The following CSMD1 variants were observed in gnomAD, a reference collection of about 807,000 sequenced individuals.
CSMD1 encodes CUB and Sushi multiple domains 1.
In CSMD1, 213 loss-of-function variants were observed where a neutral mutation model predicts 417.5. That is an observed-to-expected ratio of 0.51 (90% CI 0.46 to 0.57). CSMD1 has a LOEUF of 0.57. CSMD1 is among the 20% of genes least tolerant of loss of function. CSMD1 has a pLI of 0.00. For synonymous variants in CSMD1, 2,862 were observed against 1,736.8 expected (o/e 1.65, Z -16.11); for missense variants, 6,923 against 4,529.7 (o/e 1.53, Z -15.17).
At chr8:4,809,722 T>C (rs552080676) in intron 1 of CSMD1, among the ~76,000 whole-genome samples, 4 of 152,244 alleles carry the variant, frequency 2.6e-5, no homozygotes, top group Non-Finnish European at 5.9e-5. Flanking sequence ...AAAACATCTG[T>C]CATTTCAACA....
At chr8:4,334,016 G>A (rs1353558279) in intron 3 of CSMD1, among the ~76,000 whole-genome samples, 1 of 151,972 alleles carries the variant, frequency 6.6e-6, no homozygotes, top group Non-Finnish European at 1.5e-5. Flanking sequence ...TCAGACTCCT[G>A]AGTACCTGGG....
chr8:3,640,086 T>C (rs181689746), intron 7 of CSMD1, among the ~76,000 whole-genome samples: 1 of 152,290 alleles, frequency 6.6e-6, no homozygotes, highest in African/African-American at 2.4e-5. Context: ...ATTTTAAAAA[T>C]TGAAGGCTCT....
chr8:3,222,352 G>C (rs888413332), intron 28 of CSMD1, among the ~76,000 whole-genome samples: 1 of 151,616 alleles, frequency 6.6e-6, no homozygotes, highest in South Asian at 2.1e-4. Context: ...GTCTTGCTCT[G>C]TTGCTCAGCT....
chr8:3,860,589 T>C (rs945998751), intron 5 of CSMD1, among the ~76,000 whole-genome samples: 1 of 152,180 alleles, frequency 6.6e-6, no homozygotes, highest in African/African-American at 2.4e-5. Flanking sequence ...CTAACCATAT[T>C]ACACATCATA....
intron 10 of CSMD1, among the ~76,000 whole-genome samples, chr8:3,500,195 C>T (rs1335272968): frequency 6.6e-6 from 1 of 152,184 alleles, no homozygotes; most frequent in Non-Finnish European, 1.5e-5. Context: ...TACTCTGTTG[C>T]TTCAGTACAG....
intron 2 of CSMD1, among the ~76,000 whole-genome samples, chr8:4,435,377 A>G (rs1378159455): frequency 6.6e-6 from 1 of 152,200 alleles, no homozygotes; most frequent in East Asian, 1.9e-4. Flanking sequence ...GAAAACTCAG[A>G]GTTCCTGCAG....
chr8:3,826,026 C>T (rs1802036012), intron 5 of CSMD1, among the ~76,000 whole-genome samples: 1 of 152,094 alleles, frequency 6.6e-6, no homozygotes, highest in Non-Finnish European at 1.5e-5. Context: ...TTTCAAAGGC[C>T]AACGTGTTGT....
intron 26 of CSMD1, among the ~76,000 whole-genome samples, chr8:3,274,341 C>CT (rs1334909679): frequency 2.0e-5 from 3 of 152,148 alleles, no homozygotes; most frequent in Non-Finnish European, 4.4e-5. Flanking sequence ...GAGTGCTTTA[C>CT]TTCCAACTAT....
chr8:4,062,238 T>A (rs780438556), intron 3 of CSMD1, among the ~76,000 whole-genome samples: 2 of 152,034 alleles, frequency 1.3e-5, no homozygotes, highest in Non-Finnish European at 2.9e-5. Flanking sequence ...AAGTCTAATT[T>A]CCTCAGAGTC....
chr8:3,856,003 G>C (rs1041380951), intron 5 of CSMD1, among the ~76,000 whole-genome samples: 18 of 151,474 alleles, frequency 1.2e-4, no homozygotes, highest in African/African-American at 4.1e-4. Context: ...ATTTTTTTTT[G>C]TTTTTTATAT....
At chr8:3,463,125 C>T (rs1013675448) in intron 12 of CSMD1, among the ~76,000 whole-genome samples, 23 of 152,292 alleles carry the variant, frequency 1.5e-4, no homozygotes, top group African/African-American at 5.1e-4. Context: ...GCCAAGCCAA[C>T]TCTATCTCCA....
At chr8:4,953,069 A>C (rs936923410) in intron 1 of CSMD1, among the ~76,000 whole-genome samples, 27 of 152,184 alleles carry the variant, frequency 1.8e-4, no homozygotes, top group Middle Eastern at 3.2e-3. Flanking sequence ...TAAGACAAAA[A>C]AACATTATAG....
intron 26 of CSMD1, among the ~76,000 whole-genome samples, chr8:3,271,657 A>G (rs1486957604): frequency 1.3e-5 from 2 of 152,128 alleles, no homozygotes; most frequent in African/African-American, 2.4e-5. Context: ...TGTGGTTTTC[A>G]ATTTGCATTT....
At chr8:4,756,457 A>C (rs915314968) in intron 1 of CSMD1, among the ~76,000 whole-genome samples, 1 of 152,222 alleles carries the variant, frequency 6.6e-6, no homozygotes, top group African/African-American at 2.4e-5. Flanking sequence ...GCTAAAAGTT[A>C]ATTTGGGGAG....
intron 3 of CSMD1, among the ~76,000 whole-genome samples, chr8:4,086,620 G>C (rs1031048706): frequency 6.6e-6 from 1 of 152,136 alleles, no homozygotes; most frequent in Admixed American, 6.5e-5. Flanking sequence ...CAATGCAGAC[G>C]CGAGACTTTT....
At chr8:4,463,194 C>T (rs960010053) in intron 2 of CSMD1, among the ~76,000 whole-genome samples, 2 of 152,178 alleles carry the variant, frequency 1.3e-5, no homozygotes, top group Non-Finnish European at 2.9e-5. Flanking sequence ...AAATTCTCAG[C>T]ATCCTTAGCC....
intron 1 of CSMD1, among the ~76,000 whole-genome samples, chr8:4,901,756 T>G (rs1804883946): frequency 6.6e-6 from 1 of 152,172 alleles, no homozygotes; most frequent in Admixed American, 6.5e-5. Context: ...GGACGGTAAG[T>G]AAATGATAGG....
chr8:4,673,932 T>G (rs1805512301), intron 1 of CSMD1, among the ~76,000 whole-genome samples: 1 of 152,102 alleles, frequency 6.6e-6, no homozygotes, highest in Non-Finnish European at 1.5e-5. Flanking sequence ...TAAAAAGCCC[T>G]AAAATTAATA....
chr8:3,575,356 A>C (rs1285650580), intron 9 of CSMD1, among the ~76,000 whole-genome samples: 10 of 152,112 alleles, frequency 6.6e-5, no homozygotes, highest in Non-Finnish European at 1.3e-4. Context: ...GTGCAATGTC[A>C]ATACCAAAGT....
Sources: gnomAD v4.1 joint callset for allele counts (sites outside exome capture counted in the v4.1 genomes callset) on GRCh38, gnomAD v4.1.1 for gene constraint, MANE v1.5 for transcripts, NCBI Gene and HGNC (gene_info 2026-07-23, HGNC 2026-07-21) for gene names.